DNAH12: variants seen among roughly 807,000 people sequenced by gnomAD.
The protein encoded by DNAH12 is axonemal beta dynein heavy chain 12.
DNAH12 carries 285 observed loss-of-function variants against 371.5 expected under a neutral mutation model. The ratio of observed to expected loss-of-function variants is 0.77; its 90% CI spans 0.70 to 0.85. The LOEUF (loss-of-function observed/expected upper bound fraction) is 0.85. DNAH12 is among the 40% of genes least tolerant of loss of function. The probability of loss-of-function intolerance (pLI) is 0.00; values close to 1 mark genes in which losing one functional copy is unlikely to be tolerated. For synonymous variants in DNAH12, 1,200 were observed against 1,213.0 expected (o/e 0.99, Z 0.22); for missense variants, 3,611 against 3,689.4 (o/e 0.98, Z 0.55).
intron 11 of DNAH12, among the ~76,000 whole-genome samples, chr3:57,499,643 AAAAAATAT>A (rs1164570027): frequency 8.1e-5 from 2 of 24,580 alleles, no homozygotes; most frequent in African/African-American, 1.7e-4. Context: ...AAAAAAAAAA[AAAAAATAT>A]ATATATATAT....
chr3:57,426,828 G>GAA (rs559705189), intron 34 of DNAH12, among the ~76,000 whole-genome samples: 38 of 92,936 alleles, frequency 4.1e-4, no homozygotes, highest in Admixed American at 8.5e-4. Flanking sequence ...GACTGTCTCA[G>GAA]AAAAAAAAAA....
intron 12 of DNAH12, among the ~76,000 whole-genome samples, chr3:57,486,417 T>C (rs565096420): frequency 2.1e-4 from 32 of 151,802 alleles, no homozygotes; most frequent in Middle Eastern, 3.5e-3. Flanking sequence ...TAAATTTTTT[T>C]TAATTTTAAG....
intron 58 of DNAH12, among the ~76,000 whole-genome samples, chr3:57,363,031 G>A (rs1460136250): frequency 6.6e-6 from 1 of 152,056 alleles, no homozygotes; most frequent in Non-Finnish European, 1.5e-5. Context: ...AATCCATCTT[G>A]AATTAATTTT....
At chr3:57,335,725 T>C (rs113512142) in intron 60 of DNAH12, among the ~76,000 whole-genome samples, 56 of 152,350 alleles carry the variant, frequency 3.7e-4, no homozygotes, top group African/African-American at 1.2e-3. Context: ...GACTGAAACA[T>C]TGTTATGTGG....
At chr3:57,383,499 T>TAAAAA (rs3068162) in intron 49 of DNAH12, among the ~76,000 whole-genome samples, 14 of 151,206 alleles carry the variant, frequency 9.3e-5, no homozygotes, top group African/African-American at 3.2e-4. Context: ...GAGTGCCTCT[T>TAAAAA]AAAGGCTTTG....
intron 12 of DNAH12, among the ~76,000 whole-genome samples, chr3:57,484,329 G>A (rs907104617): frequency 6.6e-6 from 1 of 152,054 alleles, no homozygotes; most frequent in Non-Finnish European, 1.5e-5. Context: ...TCCCATGTAG[G>A]ATATGAACCT....
chr3:57,433,871 G>A lies in DNAH12; in HGVS notation c.4656-43C>T, dbSNP rs540849550. The A allele has an allele frequency of 1.7e-3, 2,370 of 1,417,484 alleles. 3 individuals carry two copies. Among genetic ancestry groups the A allele is most frequent in the Non-Finnish European group, 2.0e-3 (2,209 of 1,085,360 alleles). 87.8% of individuals were successfully genotyped at this position (1,417,484 alleles called of 1,614,324 possible). A position where few individuals can be genotyped will look rare whatever the true frequency, so the allele number is the denominator to read the frequency against. ...TAATTATACAATAAGAGTCTTTAAA[G>A]AGTTAAATAATTTATATCAGTATAT... On this transcript the variant is annotated intron_variant, in intron 30 of 73. Transcript: ENST00000495027.
chr3:57,408,608 C>A, intron 39 of DNAH12, 73 bp from the exon 40 acceptor site: 6 of 1,368,622 alleles, frequency 4.4e-6, no homozygotes, highest in East Asian at 2.8e-5. Context: ...TATAGATCTC[C>A]CAAGAAATTT....
chr3:57,474,143 A>G (rs1256746922), intron 13 of DNAH12, among the ~76,000 whole-genome samples: 1 of 152,216 alleles, frequency 6.6e-6, no homozygotes, highest in Non-Finnish European at 1.5e-5. Context: ...TTGCAAAGAA[A>G]GTAAAGTTTT....
chr3:57,322,297 G>T (rs2061824768), intron 65 of DNAH12, 46 bp downstream of exon 65: 13 of 1,459,366 alleles, frequency 8.9e-6, no homozygotes, highest in South Asian at 7.3e-5. Flanking sequence ...TTCCATATTT[G>T]ATCACTATAA....
intron 50 of DNAH12, among the ~76,000 whole-genome samples, chr3:57,381,695 G>C (rs2063395101): frequency 6.6e-6 from 1 of 151,914 alleles, no homozygotes; most frequent in Non-Finnish European, 1.5e-5. Flanking sequence ...TCTAGCTCCA[G>C]GGCACATGCT....
chr3:57,403,518 ATTT>A lies in DNAH12; in HGVS notation c.6756-20_6756-18del. ...AAAACATACCTACCACAAAAGAAAA[ATTT>A]TATTAATGCATTACAATATAAATGT... On this transcript the variant is annotated intron_variant, in intron 42 of 73. Coordinates refer to ENST00000495027, the MANE Select transcript of DNAH12 (RefSeq NM_001366028.2). 6.5e-7 allele frequency: 1 copy of A among 1,531,164 alleles called. No homozygotes were observed. The highest frequency in any genetic ancestry group is 1.2e-5 in the South Asian group (1 of 80,794). 94.8% of individuals were successfully genotyped at this position (1,531,164 alleles called of 1,614,324 possible).
intron 43 of DNAH12, 110 bp downstream of exon 43, chr3:57,403,196 GCAT>G (rs1486608076): frequency 2.3e-5 from 25 of 1,069,980 alleles, no homozygotes; most frequent in South Asian, 3.6e-5. Context: ...GACAGTATTA[GCAT>G]CATCATCATC....
intron 32 of DNAH12, among the ~76,000 whole-genome samples, chr3:57,431,916 A>G (rs1335681337): frequency 2.0e-5 from 3 of 152,182 alleles, no homozygotes; most frequent in Non-Finnish European, 4.4e-5. Flanking sequence ...AAATCATCAC[A>G]AGGATTTGCC....
At chr3:57,542,392 TG>T (rs1409410179) in intron 2 of DNAH12, among the ~76,000 whole-genome samples, 15 of 152,188 alleles carry the variant, frequency 9.9e-5, no homozygotes, top group African/African-American at 3.4e-4. Context: ...AAATCCCAGC[TG>T]TGCAACCTTA....
intron 11 of DNAH12, chr3:57,498,634 C>T: frequency 1.4e-6 from 1 of 706,536 alleles, no homozygotes; most frequent in Non-Finnish European, 2.6e-6. Flanking sequence ...GGAAACATCT[C>T]AAATATCCAT....
At chr3:57,520,059 G>C in intron 4 of DNAH12, 1 of 548,326 alleles carries the variant, frequency 1.8e-6, no homozygotes. Context: ...GAAAGCCGGA[G>C]GCTGTGGCGG....
At chr3:57,434,582 T>C (rs959034502) in intron 30 of DNAH12, among the ~76,000 whole-genome samples, 9 of 152,294 alleles carry the variant, frequency 5.9e-5, no homozygotes, top group African/African-American at 1.9e-4. Flanking sequence ...GGGGGGATAT[T>C]CTTGCCATAA....
chr3:57,427,700 A>C (rs9848195), intron 34 of DNAH12, among the ~76,000 whole-genome samples: 13,339 of 151,746 alleles, frequency 0.088, 1,996 homozygotes, highest in African/African-American at 0.3. Context: ...ACTCCATCTC[A>C]AAAATAAAAT....
Sources: allele counts gnomAD v4.1 joint callset (sites outside exome capture counted in the v4.1 genomes callset), GRCh38; gene constraint gnomAD v4.1.1; transcripts MANE v1.5; gene names NCBI Gene and HGNC (gene_info 2026-07-23, HGNC 2026-07-21).